The following FGF7 variants were observed in gnomAD, a reference collection of about 807,000 sequenced individuals.
FGF7 encodes fibroblast growth factor 7.
A neutral mutation model predicts 20.5 loss-of-function variants in FGF7; 6 were observed. The ratio of observed to expected loss-of-function variants is 0.29; its 90% confidence interval spans 0.16 to 0.58. FGF7 has a LOEUF of 0.58. Ranked by LOEUF, FGF7 falls within the 20% of genes least tolerant of loss-of-function variation. The probability of loss-of-function intolerance (pLI) is 0.90; values close to 1 mark genes in which losing one functional copy is unlikely to be tolerated. For synonymous variants in FGF7, 64 were observed against 74.7 expected (o/e 0.86, Z 0.74); for missense variants, 144 against 228.8 (o/e 0.63, Z 2.39).
intron 2 of FGF7, among the ~76,000 whole-genome samples, chr15:49,447,626 T>C (rs2052346778): frequency 6.6e-6 from 1 of 151,702 alleles, no homozygotes; most frequent in African/African-American, 2.4e-5. Flanking sequence ...CTGGTAAATT[T>C]ATGCAAATTG....
chr15:49,429,260 G>A (rs543381747), intron 2 of FGF7, among the ~76,000 whole-genome samples: 1 of 151,968 alleles, frequency 6.6e-6, no homozygotes, highest in African/African-American at 2.4e-5. Flanking sequence ...CTGGTGACCC[G>A]CATTCCCTTA....
At chr15:49,472,330 C>T (rs1329093595) in intron 2 of FGF7, among the ~76,000 whole-genome samples, 3 of 152,176 alleles carry the variant, frequency 2.0e-5, no homozygotes, top group Admixed American at 6.5e-5. Flanking sequence ...TCTTTGTTCT[C>T]ATAACCCAAG....
chr15:49,480,417 C>T (rs1258348652), intron 2 of FGF7, among the ~76,000 whole-genome samples: 2 of 151,916 alleles, frequency 1.3e-5, no homozygotes, highest in African/African-American at 4.8e-5. Flanking sequence ...AAGTGATTCC[C>T]CTGCCTCAGC....
chr15:49,454,039 G>C lies in FGF7; in HGVS notation c.287-29112G>C, dbSNP rs1205549071. 2.0e-5 allele frequency among the ~76,000 whole-genome samples: 3 copies of C among 152,130 alleles called. No homozygotes were observed. In the East Asian group the frequency reaches 5.8e-4, roughly 29 times the overall value. ...AATCTCCTAGGAAGTTTATATGGCT[G>C]GGGAGGCAGTGTGGTGTAATAGAAA... On this transcript the variant is annotated intron_variant, in intron 2 of 3. Transcript: ENST00000267843.
intron 2 of FGF7, among the ~76,000 whole-genome samples, chr15:49,431,549 A>C (rs1422426782): frequency 3.3e-5 from 5 of 151,742 alleles, no homozygotes; most frequent in African/African-American, 1.2e-4. Flanking sequence ...AATTTGATGT[A>C]TACTGGGGAG....
chr15:49,446,449 T>C (rs1362919146), intron 2 of FGF7, among the ~76,000 whole-genome samples: 1 of 151,598 alleles, frequency 6.6e-6, no homozygotes, highest in South Asian at 2.1e-4. Context: ...GTAAGTTTCA[T>C]ATGAACAAAG....
chr15:49,476,825 T>C (rs8039062), intron 2 of FGF7, among the ~76,000 whole-genome samples: 50,966 of 151,936 alleles, frequency 0.34, 9,525 homozygotes, highest in African/African-American at 0.49. Context: ...TTTGGGAGGC[T>C]GAGGTGGGCA....
chr15:49,462,797 T>G (rs946901376), intron 2 of FGF7, among the ~76,000 whole-genome samples: 4 of 152,214 alleles, frequency 2.6e-5, no homozygotes, highest in Non-Finnish European at 5.9e-5. Context: ...TAGTGAAGAC[T>G]TTGGCATGTA....
chr15:49,450,890 T>C (rs987854331), intron 2 of FGF7, among the ~76,000 whole-genome samples: 9 of 152,116 alleles, frequency 5.9e-5, no homozygotes, highest in African/African-American at 2.2e-4. Flanking sequence ...GCTGAACCTA[T>C]TTGGGAAAAA....
chr15:49,448,674 C>CATAT (rs145584113), intron 2 of FGF7, among the ~76,000 whole-genome samples: 17 of 149,130 alleles, frequency 1.1e-4, no homozygotes, highest in African/African-American at 3.7e-4. Context: ...CACATATGTA[C>CATAT]ATATATATAT....
chr15:49,441,348 A>T (rs2051622488), intron 2 of FGF7, among the ~76,000 whole-genome samples: 1 of 151,790 alleles, frequency 6.6e-6, no homozygotes, highest in African/African-American at 2.4e-5. Context: ...AAAGCATAAC[A>T]TATGTCTTGG....
chr15:49,463,292 A>C (rs1044504607), intron 2 of FGF7, among the ~76,000 whole-genome samples: 1 of 152,236 alleles, frequency 6.6e-6, no homozygotes, highest in Admixed American at 6.5e-5. Context: ...AGTGGCTCAC[A>C]CCTGTAATCC....
chr15:49,433,742 A>T (rs1285274602), intron 2 of FGF7, among the ~76,000 whole-genome samples: 1 of 151,708 alleles, frequency 6.6e-6, no homozygotes, highest in East Asian at 1.9e-4. Flanking sequence ...GGCATAGTGA[A>T]GACCAATTCT....
chr15:49,471,450 T>A (rs1158267473), intron 2 of FGF7, among the ~76,000 whole-genome samples: 1 of 150,584 alleles, frequency 6.6e-6, no homozygotes. Flanking sequence ...GCCACTGCAC[T>A]ATAGCCTGAG....
At chr15:49,431,952 G>C (rs1266379607) in intron 2 of FGF7, among the ~76,000 whole-genome samples, 1 of 151,628 alleles carries the variant, frequency 6.6e-6, no homozygotes, top group Non-Finnish European at 1.5e-5. Flanking sequence ...ATACAGAGGG[G>C]TTGAAATGAT....
chr15:49,454,963 A>G (rs2053141182), intron 2 of FGF7, among the ~76,000 whole-genome samples: 1 of 152,144 alleles, frequency 6.6e-6, no homozygotes, highest in Admixed American at 6.5e-5. Context: ...ATGTTCCATT[A>G]GCCAATTCCA....
In FGF7 at chr15:49,453,117, A is replaced by G. The variant is rs564752350; in HGVS notation, c.286+28534A>G. Among the ~76,000 whole-genome samples, 138 of 152,260 alleles carry G rather than the reference A, an allele frequency of 9.1e-4. 5 individuals are homozygous for G. In the South Asian group the frequency reaches 0.027, roughly 30 times the overall value. ...CATCCTAAAATATTGCATTGAGGTC[A>G]ACAAAAAGTGGTAGTAGCATGTTTG... On this transcript the variant is annotated intron_variant, in intron 2 of 3. Transcript: ENST00000267843.
intron 2 of FGF7, among the ~76,000 whole-genome samples, chr15:49,471,134 G>A (rs745679273): frequency 7.2e-5 from 11 of 152,192 alleles, no homozygotes; most frequent in Non-Finnish European, 1.3e-4. Flanking sequence ...AATTCAGAAA[G>A]GAAGCCAAGA....
chr15:49,461,069 T>A (rs2053753098), intron 2 of FGF7, among the ~76,000 whole-genome samples: 1 of 152,160 alleles, frequency 6.6e-6, no homozygotes, highest in Non-Finnish European at 1.5e-5. Context: ...CCATTTTTCT[T>A]AGTCTATTTC....
Sources: gnomAD v4.1 joint callset for allele counts (sites outside exome capture counted in the v4.1 genomes callset) on GRCh38, gnomAD v4.1.1 for gene constraint, MANE v1.5 for transcripts, NCBI Gene and HGNC (gene_info 2026-07-23, HGNC 2026-07-21) for gene names.